The following GREB1L variants were observed in gnomAD, a reference collection of about 807,000 sequenced individuals.
GREB1L encodes the protein GREB1 like retinoic acid receptor coactivator, also known as GREB1-like protein.
A neutral mutation model predicts 200.8 loss-of-function variants in GREB1L; 17 were observed. That is an observed-to-expected ratio of 0.08 (90% CI 0.06 to 0.13). GREB1L has a LOEUF of 0.13. GREB1L is among the 10% of genes least tolerant of loss of function. The pLI is 1.00. For synonymous variants in GREB1L, 789 were observed against 893.0 expected (o/e 0.88, Z 2.08); for missense variants, 1,657 against 2,367.7 (o/e 0.70, Z 6.23).
rs11414940 is a variant in GREB1L, at chr18:21,457,964, G to GTT, written c.2182+3421_2182+3422dup. ...GGGTAGTACCTTGAGAGCAAGGACAGTTTTTTTTTTTTTTTTTTTTTGAGG... is the reference window on the plus strand; with the variant it reads ...GGGTAGTACCTTGAGAGCAAGGACAGTTTTTTTTTTTTTTTTTTTTTTTGAGG... On this transcript the variant is annotated intron_variant, in intron 15 of 32. Coordinates refer to ENST00000424526, the MANE Select transcript of GREB1L (RefSeq NM_001142966.3). 4.7e-3 allele frequency among the ~76,000 whole-genome samples: 557 copies of GTT among 117,774 alleles called. 10 individuals carry two copies. Among genetic ancestry groups the GTT allele is most frequent in the East Asian group, 0.021 (84 of 3,952 alleles). 77.3% of individuals were successfully genotyped at this position (117,774 alleles called of 152,430 possible). A position where few individuals can be genotyped will look rare whatever the true frequency, so the allele number is the denominator to read the frequency against.
intron 19 of GREB1L, among the ~76,000 whole-genome samples, chr18:21,490,768 C>T (rs1486847077): frequency 6.6e-6 from 1 of 152,150 alleles, no homozygotes; most frequent in Non-Finnish European, 1.5e-5. Context: ...TTCATCTAGC[C>T]TCTCTGTGAG....
At chr18:21,458,283 T>G (rs2034871502) in intron 15 of GREB1L, among the ~76,000 whole-genome samples, 1 of 152,152 alleles carries the variant, frequency 6.6e-6, no homozygotes, top group Non-Finnish European at 1.5e-5. Flanking sequence ...AGGACAGTTT[T>G]TTTATTGTTG....
intron 1 of GREB1L, among the ~76,000 whole-genome samples, chr18:21,304,446 G>A (rs1216422302): frequency 6.6e-6 from 1 of 152,040 alleles, no homozygotes; most frequent in African/African-American, 2.4e-5. Context: ...ACAGCCTATA[G>A]AGGACATTTA....
intron 1 of GREB1L, among the ~76,000 whole-genome samples, chr18:21,311,861 A>G (rs2038796432): frequency 6.6e-6 from 1 of 151,986 alleles, no homozygotes; most frequent in Non-Finnish European, 1.5e-5. Context: ...TCAAGGGTAC[A>G]TGTGCAGGTA....
At chr18:21,310,015 A>G (rs1242554730) in intron 1 of GREB1L, among the ~76,000 whole-genome samples, 1 of 152,238 alleles carries the variant, frequency 6.6e-6, no homozygotes, top group Non-Finnish European at 1.5e-5. Flanking sequence ...CTGTGATGAT[A>G]AAAATGTTCT....
intron 1 of GREB1L, among the ~76,000 whole-genome samples, chr18:21,365,639 A>T (rs1363592041): frequency 6.6e-6 from 1 of 152,126 alleles, no homozygotes; most frequent in Non-Finnish European, 1.5e-5. Flanking sequence ...TATTACTCCT[A>T]AATTCCTTAG....
intron 7 of GREB1L, among the ~76,000 whole-genome samples, chr18:21,419,880 A>G (rs2031999773): frequency 6.6e-6 from 1 of 151,852 alleles, no homozygotes; most frequent in South Asian, 2.1e-4. Flanking sequence ...CACACCACAT[A>G]CAAAAATTAG....
intron 1 of GREB1L, among the ~76,000 whole-genome samples, chr18:21,257,518 G>A (rs925978499): frequency 6.6e-6 from 1 of 152,188 alleles, no homozygotes; most frequent in Non-Finnish European, 1.5e-5. Context: ...GTCTGTAAAT[G>A]TGTGTCTGGT....
Position 21,439,614 on chromosome 18 carries a change from C to T in GREB1L, c.926C>T (p.Pro309Leu), listed in dbSNP as rs1432018431. Reference protein sequence around the residue: ...HTGNYSLSPRPSYASGDQATM... With the variant: ...HTGNYSLSPRLSYASGDQATM... ...GGGAATTACTCTTTGTCACCACGAC[C>T]TAGCTATGCATCAGGAGATCAAGGT... is the stretch of plus-strand genomic sequence containing the variant. Residue 309 changes from proline (P) to leucine (L), a missense_variant, in exon 8 of 33, where the codon CCT (proline) becomes CTT (leucine). Around this residue, in one of 9 missense-constraint regions of GREB1L, gnomAD observed 289 missense variants for 345.1 expected, o/e 0.84. Transcript: ENST00000424526. 6.5e-7 allele frequency: 1 copy of T among 1,550,104 alleles called. No individual in the cohort carries two copies. Among genetic ancestry groups the T allele is most frequent in the Admixed American group, 2.0e-5 (1 of 51,012 alleles).
At chr18:21,379,395 C>T (rs527884240) in intron 2 of GREB1L, among the ~76,000 whole-genome samples, 1 of 152,010 alleles carries the variant, frequency 6.6e-6, no homozygotes, top group East Asian at 1.9e-4. Flanking sequence ...TAGTAGAAAG[C>T]GGGTTTCTCC....
At chr18:21,362,295 A>G (rs2039592791) in intron 1 of GREB1L, among the ~76,000 whole-genome samples, 1 of 152,194 alleles carries the variant, frequency 6.6e-6, no homozygotes, top group Non-Finnish European at 1.5e-5. Flanking sequence ...TCCTCCCCAC[A>G]AGTAATTCAA....
At chr18:21,332,148 G>A (rs896782025) in intron 1 of GREB1L, among the ~76,000 whole-genome samples, 1 of 152,168 alleles carries the variant, frequency 6.6e-6, no homozygotes, top group Non-Finnish European at 1.5e-5. Context: ...TTTAAATAAT[G>A]CACATTAACT....
intron 1 of GREB1L, among the ~76,000 whole-genome samples, chr18:21,317,083 T>C (rs1430808287): frequency 1.3e-5 from 2 of 151,934 alleles, no homozygotes; most frequent in Admixed American, 6.6e-5. Context: ...TTTTCTAATA[T>C]ATTTTTTTAA....
Position 21,440,255 on chromosome 18 carries a change from T to C in GREB1L, c.950-14T>C, listed in dbSNP as rs763990721. 1.3e-6 allele frequency: 2 copies of C among 1,551,346 alleles called. No homozygotes were observed. ...AAGACTATCTCTTTTTTTTGTTTTT[T>C]TGTTTGTCTTCAGCTACCATGTTCA... On this transcript the variant is annotated splice_polypyrimidine_tract_variant and intron_variant, in intron 8 of 32. Coordinates refer to ENST00000424526, the MANE Select transcript of GREB1L (RefSeq NM_001142966.3).
At chr18:21,469,926 A>G (rs1333573979) in intron 15 of GREB1L, among the ~76,000 whole-genome samples, 2 of 152,162 alleles carry the variant, frequency 1.3e-5, no homozygotes, top group Admixed American at 6.6e-5. Context: ...CTTCAGAACT[A>G]TCTTGACTCT....
intron 15 of GREB1L, among the ~76,000 whole-genome samples, chr18:21,466,421 T>C (rs1271038779): frequency 6.6e-6 from 1 of 151,892 alleles, no homozygotes; most frequent in African/African-American, 2.4e-5. Context: ...CTCCTTAAAA[T>C]TTTTTTTATT....
chr18:21,276,110 A>G (rs1281873814), intron 1 of GREB1L, among the ~76,000 whole-genome samples: 1 of 152,146 alleles, frequency 6.6e-6, no homozygotes, highest in South Asian at 2.1e-4. Flanking sequence ...GTCTTGGGTC[A>G]GGTTTTTACA....
In GREB1L at chr18:21,452,163, A is replaced by T. The variant is rs1213760006; in HGVS notation, c.1930A>T (p.Asn644Tyr). 6.4e-7 allele frequency: 1 copy of T among 1,551,780 alleles called. No homozygotes were observed. The highest frequency in any genetic ancestry group is 1.4e-5 in the African/African-American group (1 of 73,056). The part of the protein sequence containing the change: ...SVVTPFDGDL[N>Y]ECVSPQEAAA... ...GGTTACCCCTTTCGATGGAGACCTT[A>T]ATGAATGTGTGTCACCCCAGGAGGC... Residue 644 changes from asparagine to tyrosine, a missense_variant, in exon 14 of 33, where the codon AAT becomes TAT. Transcript: ENST00000424526.
chr18:21,458,522 G>A (rs1017126301), intron 15 of GREB1L, among the ~76,000 whole-genome samples: 23 of 152,218 alleles, frequency 1.5e-4, no homozygotes, highest in African/African-American at 5.1e-4. Context: ...TGCAGAAAGG[G>A]CACATCCTTG....
Sources: gnomAD v4.1 joint callset for allele counts (sites outside exome capture counted in the v4.1 genomes callset) on GRCh38, gnomAD v4.1.1 for gene constraint, gnomAD v4.1.1 regional missense constraint, MANE v1.5 for transcripts, NCBI Gene and HGNC (gene_info 2026-07-23, HGNC 2026-07-21) for gene names.